Variants in GFOD1 observed in about 807,000 individuals in gnomAD.
The protein encoded by GFOD1 is Gfo/Idh/MocA-like oxidoreductase domain containing 1.
Under a neutral mutation model 25.4 loss-of-function variants are expected in GFOD1, and 9 were observed. The observed-to-expected ratio is 0.35, with a 90% CI of 0.21 to 0.62. The LOEUF (loss-of-function observed/expected upper bound fraction) is 0.62, where lower values mean the gene tolerates loss of function less well. Ranked by LOEUF, GFOD1 falls within the 20% of genes least tolerant of loss-of-function variation. The pLI, the probability that GFOD1 is intolerant of heterozygous loss-of-function variation, is 0.72. For missense variants in GFOD1, 403 were observed against 556.9 expected (o/e 0.72, Z 2.78); for synonymous variants, 253 against 245.6 (o/e 1.03, Z -0.28).
intron 1 of GFOD1, among the ~76,000 whole-genome samples, chr6:13,384,268 T>G (rs1160610753): frequency 6.6e-6 from 1 of 152,154 alleles, no homozygotes; most frequent in Non-Finnish European, 1.5e-5. Context: ...AAAACAAAAA[T>G]GTTTTTACTC....
intron 1 of GFOD1, among the ~76,000 whole-genome samples, chr6:13,384,483 C>T (rs1327014726): frequency 6.6e-6 from 1 of 152,222 alleles, no homozygotes; most frequent in African/African-American, 2.4e-5. Context: ...CGTCCTCCTA[C>T]TCCCAACCAT....
intron 1 of GFOD1, among the ~76,000 whole-genome samples, chr6:13,479,807 C>T (rs1437937627): frequency 1.3e-5 from 2 of 152,140 alleles, no homozygotes; most frequent in African/African-American, 4.8e-5. Flanking sequence ...CTCGGCTCTA[C>T]GACAAATTGA....
At chr6:13,473,804 TC>T (rs1758558267) in intron 1 of GFOD1, among the ~76,000 whole-genome samples, 1 of 152,060 alleles carries the variant, frequency 6.6e-6, no homozygotes, top group Admixed American at 6.5e-5. Context: ...CCCTTCCAGC[TC>T]TCAGGAATGC....
At chr6:13,475,492 G>A (rs1158340880) in intron 1 of GFOD1, among the ~76,000 whole-genome samples, 4 of 151,114 alleles carry the variant, frequency 2.6e-5, no homozygotes, top group Non-Finnish European at 5.9e-5. Context: ...GGCAGATCAC[G>A]AGGTCAGGAG....
At chr6:13,375,074 G>A (rs1050913575) in intron 1 of GFOD1, among the ~76,000 whole-genome samples, 4 of 152,082 alleles carry the variant, frequency 2.6e-5, no homozygotes, top group African/African-American at 4.8e-5. Flanking sequence ...ATTTCTTTGT[G>A]TTGGGAACAT....
At chr6:13,377,894 GA>G (rs1785285799) in intron 1 of GFOD1, among the ~76,000 whole-genome samples, 1 of 152,180 alleles carries the variant, frequency 6.6e-6, no homozygotes, top group East Asian at 1.9e-4. Flanking sequence ...AAGACTCAGT[GA>G]GGTGCTCTAG....
intron 1 of GFOD1, among the ~76,000 whole-genome samples, chr6:13,367,148 C>A (rs1455727103): frequency 6.6e-6 from 1 of 151,778 alleles, no homozygotes; most frequent in Admixed American, 6.6e-5. Flanking sequence ...TATTAAAAAT[C>A]ATATAGTGAA....
chr6:13,461,086 G>C (rs1243313495), intron 1 of GFOD1, among the ~76,000 whole-genome samples: 1 of 152,244 alleles, frequency 6.6e-6, no homozygotes, highest in Non-Finnish European at 1.5e-5. Flanking sequence ...AGCAGCACAA[G>C]ACTGTCTAAG....
chr6:13,402,612 C>A lies in GFOD1; in HGVS notation c.254-36950G>T, dbSNP rs949653784. ...CATCAGTCTTTAGGGAAATGCAAATCTAAACCACAATAAGATGCTACTTTA... is the reference window on the plus strand; with the variant it reads ...CATCAGTCTTTAGGGAAATGCAAATATAAACCACAATAAGATGCTACTTTA... On this transcript the variant is annotated intron_variant, in intron 1 of 1. Transcript: ENST00000379287. 2.0e-5 allele frequency among the ~76,000 whole-genome samples: 3 copies of A among 152,274 alleles called. No homozygotes were observed. The East Asian group carries it at 5.8e-4, about 29-fold the overall frequency.
chr6:13,465,605 T>A (rs2127576287), intron 1 of GFOD1, among the ~76,000 whole-genome samples: 1 of 152,324 alleles, frequency 6.6e-6, no homozygotes, highest in African/African-American at 2.4e-5. Context: ...GACGCTGATG[T>A]AACCGGTCTG....
At chr6:13,470,861 C>A (rs1758487674) in intron 1 of GFOD1, among the ~76,000 whole-genome samples, 1 of 152,172 alleles carries the variant, frequency 6.6e-6, no homozygotes, top group South Asian at 2.1e-4. Context: ...ACTTACCTCT[C>A]CCTCCAAGCC....
chr6:13,432,305 T>C (rs989863161), intron 1 of GFOD1, among the ~76,000 whole-genome samples: 1 of 151,564 alleles, frequency 6.6e-6, no homozygotes, highest in Non-Finnish European at 1.5e-5. Flanking sequence ...CCTCGACCTC[T>C]TGGGCTCAAG....
At chr6:13,486,270 CTTGG>C in intron 1 of GFOD1, 1 of 290,058 alleles carries the variant, frequency 3.4e-6, no homozygotes, top group Non-Finnish European at 5.3e-6. Flanking sequence ...CACACACACA[CTTGG>C]ACACTACACA....
Position 13,466,989 on chromosome 6 carries a change from G to A in GFOD1, c.253+19649C>T, listed in dbSNP as rs142765371. On this transcript the variant is annotated intron_variant, in intron 1 of 1. Coordinates refer to ENST00000379287, the MANE Select transcript of GFOD1 (RefSeq NM_018988.4). ...ACACACACACTACTGGCAAGCAGCC[G>A]TCCCACTAACCAACAATGAGCCATG... Among the ~76,000 whole-genome samples, 465 of 151,924 alleles carry A rather than the reference G, an allele frequency of 3.1e-3. 3 individuals are homozygous for A. Among genetic ancestry groups the A allele is most frequent in the African/African-American group, 0.01 (433 of 41,412 alleles).
rs368584392 is a variant in GFOD1, at chr6:13,365,193, C to T, written c.723G>A (p.Val241=). 1.2e-6 allele frequency: 2 copies of T among 1,614,028 alleles called. No homozygotes were observed. Among genetic ancestry groups the T allele is most frequent in the Non-Finnish European group, 1.7e-6 (2 of 1,180,010 alleles). ...VCCTVTLNFN[V]PGEFKQDVTV... ...TGACATCCTGCTTGAACTCGCCGGG[C>T]ACGTTGAAGTTGAGGGTGACGGTGC... is the stretch of plus-strand genomic sequence containing the variant. The change falls in exon 2 of 2, where the codon GTG becomes GTA. Residue 241 remains valine (V), a synonymous_variant. Transcript: ENST00000379287. This position sits in a 1 kb window ranked among gnomAD's most constrained non-coding sequence, Gnocchi z 9.2.
intron 1 of GFOD1, among the ~76,000 whole-genome samples, chr6:13,446,636 G>A (rs866339457): frequency 7.9e-5 from 12 of 152,158 alleles, no homozygotes; most frequent in African/African-American, 2.9e-4. Context: ...CACTGGCAGC[G>A]AATCACACGT....
At chr6:13,407,873 G>A in intron 1 of GFOD1, 1 of 627,358 alleles carries the variant, frequency 1.6e-6, no homozygotes, top group Non-Finnish European at 2.0e-6. Context: ...AATAAATAGG[G>A]TGACTCCATC....
intron 1 of GFOD1, among the ~76,000 whole-genome samples, chr6:13,414,896 G>T (rs1264667256): frequency 6.6e-6 from 1 of 152,208 alleles, no homozygotes; most frequent in Non-Finnish European, 1.5e-5. Context: ...AAAAGAGACT[G>T]TGACTCAAAG....
chr6:13,462,459 G>A (rs1758308924), intron 1 of GFOD1, among the ~76,000 whole-genome samples: 1 of 152,180 alleles, frequency 6.6e-6, no homozygotes. Context: ...AAATCAATGG[G>A]CTGTGTGAGC....
Sources: allele counts gnomAD v4.1 joint callset (sites outside exome capture counted in the v4.1 genomes callset), GRCh38; gene constraint gnomAD v4.1.1; non-coding constraint Gnocchi (gnomAD v3.1); transcripts MANE v1.5; gene names NCBI Gene and HGNC (gene_info 2026-07-23, HGNC 2026-07-21).